The following SNED1 variants were observed in gnomAD, a reference collection of about 807,000 sequenced individuals.
The protein encoded by SNED1 is sushi, nidogen and EGF-like domain-containing protein 1.
In SNED1, 81 loss-of-function variants were observed where a neutral mutation model predicts 166.7. The observed-to-expected ratio is 0.49, with a 90% confidence interval of 0.41 to 0.58. The LOEUF is 0.58. Ranked by LOEUF, SNED1 falls within the 20% of genes least tolerant of loss-of-function variation. The pLI is 0.00. For missense variants in SNED1, 1,604 were observed against 2,000.2 expected (o/e 0.80, Z 3.78); for synonymous variants, 762 against 822.0 (o/e 0.93, Z 1.25).
chr2:241,090,450 C>G (rs571301231), intron 31 of SNED1: 5 of 1,536,118 alleles, frequency 3.3e-6, no homozygotes, highest in Admixed American at 4.0e-5. Flanking sequence ...GGAGTACACT[C>G]TAAAATAATG....
At chr2:241,063,814 C>A (rs1423593431) in intron 18 of SNED1, 114 bp downstream of exon 18, 3 of 887,266 alleles carry the variant, frequency 3.4e-6, no homozygotes, top group Non-Finnish European at 5.2e-6. Flanking sequence ...GGAGAGGGAC[C>A]CCCAGGGCTG....
At chr2:241,066,246 G>A (rs1313160368) in intron 21 of SNED1, among the ~76,000 whole-genome samples, 1 of 152,138 alleles carries the variant, frequency 6.6e-6, no homozygotes, top group African/African-American at 2.4e-5. Context: ...CACAGCCTGT[G>A]GGGTTGTTGC....
At chr2:241,017,986 G>C (rs1315947119) in intron 1 of SNED1, among the ~76,000 whole-genome samples, 1 of 152,168 alleles carries the variant, frequency 6.6e-6, no homozygotes, top group Non-Finnish European at 1.5e-5. Context: ...ATCCGGAATT[G>C]AAAGTCTCAT....
chr2:241,067,252 G>A (rs2062494037), intron 21 of SNED1, among the ~76,000 whole-genome samples: 1 of 152,230 alleles, frequency 6.6e-6, no homozygotes, highest in Non-Finnish European at 1.5e-5. Context: ...CATCAGCAGT[G>A]GCACTGGAGC....
chr2:241,053,458 C>T (rs975275745), intron 16 of SNED1, 132 bp downstream of exon 16: 18 of 876,408 alleles, frequency 2.1e-5, no homozygotes, highest in South Asian at 5.2e-5. Context: ...CCCTGCTCCC[C>T]TCAGTCTCCT....
At chr2:241,061,381 A>G (rs1479308845) in intron 16 of SNED1, among the ~76,000 whole-genome samples, 1 of 152,244 alleles carries the variant, frequency 6.6e-6, no homozygotes, top group Non-Finnish European at 1.5e-5. Flanking sequence ...AATGTGGATC[A>G]ACAAGATTTC....
intron 27 of SNED1, among the ~76,000 whole-genome samples, chr2:241,076,516 A>G (rs535645656): frequency 4.8e-4 from 73 of 152,296 alleles, no homozygotes; most frequent in African/African-American, 1.8e-3. Context: ...CTTGTCATAC[A>G]TTCTTTGGGG....
intron 1 of SNED1, among the ~76,000 whole-genome samples, chr2:241,019,773 C>T (rs1402728023): frequency 1.3e-5 from 2 of 152,226 alleles, no homozygotes; most frequent in African/African-American, 2.4e-5. Context: ...TTTGCAACAC[C>T]AGCGGGCCCC....
chr2:241,047,889 A>G (rs181081984), intron 8 of SNED1, among the ~76,000 whole-genome samples: 53 of 145,620 alleles, frequency 3.6e-4, no homozygotes, highest in African/African-American at 1.3e-3. Flanking sequence ...GTTCTGTCCA[A>G]TCCTGGGTGG....
At chr2:241,010,244 G>A (rs2060349011) in intron 1 of SNED1, 1 of 152,220 alleles carries the variant, frequency 6.6e-6, no homozygotes. Context: ...GCCCTGCTCA[G>A]AGCAGCCCCT....
chr2:241,069,143 C>T lies in SNED1; in HGVS notation c.3307+120C>T, dbSNP rs1290193942. On this transcript the variant is annotated intron_variant, in intron 23 of 31. Transcript: ENST00000310397. This position sits in a 1 kb window ranked among gnomAD's most constrained non-coding sequence, Gnocchi z 4.9. Reference sequence around the variant, plus strand: ...ACAACACCAGAAACCCAGCCCCTGGCCTCCCAGATGTCTCTTCCGCTGGGG... The same window carrying T: ...ACAACACCAGAAACCCAGCCCCTGGTCTCCCAGATGTCTCTTCCGCTGGGG... The T allele has an allele frequency of 3.0e-6, 2 of 664,994 alleles. No individual in the cohort carries two copies. Among genetic ancestry groups the T allele is most frequent in the Non-Finnish European group, 5.0e-6 (2 of 398,806 alleles). The allele number at this position is 664,994 out of a possible 1,614,324, so 41.2% of individuals were successfully genotyped here.
intron 29 of SNED1, among the ~76,000 whole-genome samples, chr2:241,082,618 C>T (rs1200785929): frequency 1.3e-5 from 2 of 152,190 alleles, no homozygotes; most frequent in Non-Finnish European, 2.9e-5. Flanking sequence ...TCCCCAGGCC[C>T]CCAGGCCTTC....
intron 16 of SNED1, 44 bp from the exon 17 acceptor site, chr2:241,062,747 T>C: frequency 7.3e-7 from 1 of 1,360,888 alleles, no homozygotes; most frequent in South Asian, 1.2e-5. Flanking sequence ...TAATTTGGCT[T>C]AATCGTGGCC....
chr2:241,028,477 G>A (rs1165011561), intron 1 of SNED1, among the ~76,000 whole-genome samples: 1 of 152,152 alleles, frequency 6.6e-6, no homozygotes, highest in African/African-American at 2.4e-5. Flanking sequence ...ATGGTGTTAG[G>A]TAAGGGCCCA....
chr2:241,062,579 C>T (rs1488250501), intron 16 of SNED1, among the ~76,000 whole-genome samples: 2 of 152,280 alleles, frequency 1.3e-5, no homozygotes, highest in East Asian at 1.9e-4. Flanking sequence ...GTTTCAAGCC[C>T]GCCCTGCTGC....
At chr2:241,057,987 C>G (rs1296755830) in intron 16 of SNED1, among the ~76,000 whole-genome samples, 1 of 152,014 alleles carries the variant, frequency 6.6e-6, no homozygotes, top group African/African-American at 2.4e-5. Context: ...AGAAAAAATA[C>G]AAATATGAAT....
Position 241,030,332 on chromosome 2 carries a change from ACC to A in SNED1, c.265_266del (p.Pro89SerfsTer100). ...CTTCCTGAAGGAGGTTTCTCAGTTCACCCCAGTGGCCTTCCCCATTGCCAAGG... is the reference window on the plus strand; with the variant it reads ...CTTCCTGAAGGAGGTTTCTCAGTTCACCAGTGGCCTTCCCCATTGCCAAGG... ...ISFLKEVSQF[T>X]PVAFPIAKDR... On this transcript the variant is annotated frameshift_variant, in exon 2 of 32. Coordinates refer to ENST00000310397, the MANE Select transcript of SNED1 (RefSeq NM_001080437.3). LOFTEE classifies it high-confidence loss of function. The A allele has an allele frequency of 6.2e-7, 1 of 1,606,040 alleles. No individual in the cohort carries two copies.
At position 241,064,911 on chromosome 2, in the gene SNED1, C is replaced by T. The variant is rs564800971; in HGVS notation, c.2667C>T (p.His889=). 7.5e-5 allele frequency: 119 copies of T among 1,586,906 alleles called. No individual in the cohort carries two copies. In the Middle Eastern group the frequency reaches 1.0e-3, roughly 13 times the overall value. The part of the protein sequence containing the change: ...RGYCLASNGS[H]SCTCKVGYTG... Reference sequence around the variant, plus strand: ...ATTGCCTGGCCAGCAACGGCTCCCACAGCTGCACCTGCAAAGTGGGCTACA... The same window carrying T: ...ATTGCCTGGCCAGCAACGGCTCCCATAGCTGCACCTGCAAAGTGGGCTACA... Residue 889 remains histidine (H), a synonymous_variant, in exon 20 of 32, where the codon CAC becomes CAT. Transcript: ENST00000310397. This position sits in a 1 kb window ranked among gnomAD's most constrained non-coding sequence, Gnocchi z 7.0.
At chr2:241,047,934 G>C (rs1395203403) in intron 8 of SNED1, among the ~76,000 whole-genome samples, 1 of 151,130 alleles carries the variant, frequency 6.6e-6, no homozygotes, top group African/African-American at 2.4e-5. Context: ...CCAATCCTGG[G>C]TGGTCTCTCT....
Sources: gnomAD v4.1 joint callset for allele counts (sites outside exome capture counted in the v4.1 genomes callset) on GRCh38, gnomAD v4.1.1 for gene constraint, Gnocchi (gnomAD v3.1) non-coding constraint, MANE v1.5 for transcripts, NCBI Gene and HGNC (gene_info 2026-07-23, HGNC 2026-07-21) for gene names.